Variants in SAMD5 observed in about 807,000 individuals in gnomAD.
The protein encoded by SAMD5 is sterile alpha motif domain-containing protein 5.
SAMD5 carries 13 observed loss-of-function variants against 11.3 expected under a neutral mutation model. The ratio of observed to expected loss-of-function variants is 1.15; its 90% CI spans 0.75 to 1.83. The LOEUF is 1.83. Among genes scored for constraint, SAMD5 ranks in the 40% most tolerant of loss-of-function variants. The pLI is 0.00. For missense variants in SAMD5, 255 were observed against 239.1 expected, an observed-to-expected ratio of 1.07 and a Z score of -0.44; for synonymous variants, 129 against 111.3, an observed-to-expected ratio of 1.16 and a Z score of -1.00.
rs1322777980 is a variant in SAMD5, at chr6:147,564,380, G to T, written c.460-14G>T. On this transcript the variant is annotated splice_polypyrimidine_tract_variant and intron_variant, in intron 1 of 1. Coordinates refer to ENST00000367474, the MANE Select transcript of SAMD5 (RefSeq NM_001030060.3). The stretch of plus-strand genomic sequence containing the variant: ...AGGAGAACTTCAATAACCCAGATAT[G>T]TTCAAATCCACAGGTCCCAATGGCT... 1 of 780,628 alleles carries T rather than the reference G, an allele frequency of 1.3e-6. No individual in the cohort carries two copies. Among genetic ancestry groups the T allele is most frequent in the East Asian group, 2.4e-5 (1 of 41,204 alleles). The allele number at this position is 780,628 out of a possible 1,614,324, so 48.4% of individuals were successfully genotyped here. A position where few individuals can be genotyped will look rare whatever the true frequency, so the allele number is the denominator to read the frequency against.
the SAMD5 span, among the ~76,000 whole-genome samples, chr6:147,846,582 G>T: frequency 3.3e-5 from 5 of 152,190 alleles, no homozygotes; most frequent in African/African-American, 1.2e-4. Flanking sequence ...CACTTGGAGA[G>T]GCCAAGGCAG....
intron 1 of SAMD5, among the ~76,000 whole-genome samples, chr6:147,727,677 T>C (rs1401522230): frequency 2.0e-5 from 3 of 152,114 alleles, no homozygotes; most frequent in Admixed American, 2.0e-4. Context: ...TTTTTTTTTT[T>C]TCCCCAGATT....
intron 1 of SAMD5, among the ~76,000 whole-genome samples, chr6:147,725,124 G>A (rs138282119): frequency 7.9e-5 from 12 of 152,164 alleles, no homozygotes; most frequent in Middle Eastern, 3.4e-3. Context: ...ATATAACTAG[G>A]TTTGATATAC....
the SAMD5 span, among the ~76,000 whole-genome samples, chr6:147,940,824 T>G: frequency 6.6e-6 from 1 of 152,092 alleles, no homozygotes; most frequent in African/African-American, 2.4e-5. Flanking sequence ...TAGCCGGGCA[T>G]GATGGTGCAT....
the SAMD5 span, among the ~76,000 whole-genome samples, chr6:147,837,950 T>C: frequency 6.6e-6 from 1 of 151,808 alleles, no homozygotes; most frequent in African/African-American, 2.4e-5. Flanking sequence ...TCCACAGTGA[T>C]TTAGCCCTCC....
the SAMD5 span, among the ~76,000 whole-genome samples, chr6:147,848,587 G>A: frequency 6.6e-6 from 1 of 152,130 alleles, no homozygotes; most frequent in Non-Finnish European, 1.5e-5. Flanking sequence ...CTAATAAATG[G>A]TAGAGATGGA....
the SAMD5 span, among the ~76,000 whole-genome samples, chr6:147,793,800 C>T: frequency 3.9e-5 from 6 of 152,234 alleles, no homozygotes; most frequent in African/African-American, 1.4e-4. Context: ...TCACCAGTGC[C>T]ACATTGTCTT....
At chr6:147,753,769 T>C in the SAMD5 span, among the ~76,000 whole-genome samples, 1 of 151,888 alleles carries the variant, frequency 6.6e-6, no homozygotes, top group Non-Finnish European at 1.5e-5. Context: ...AGTTCAACAG[T>C]TTTAATTTCT....
At chr6:147,543,573 C>A (rs1788639611) in intron 1 of SAMD5, among the ~76,000 whole-genome samples, 1 of 152,068 alleles carries the variant, frequency 6.6e-6, no homozygotes. Flanking sequence ...AGAAAGGATA[C>A]CTTGTTCTGA....
intron 1 of SAMD5, among the ~76,000 whole-genome samples, chr6:147,601,736 C>G (rs1789617718): frequency 6.6e-6 from 1 of 152,158 alleles, no homozygotes; most frequent in Non-Finnish European, 1.5e-5. Flanking sequence ...TGTTACTGTT[C>G]TTCATGTCTC....
intron 1 of SAMD5, among the ~76,000 whole-genome samples, chr6:147,641,274 T>A (rs1458004075): frequency 6.6e-6 from 1 of 152,214 alleles, no homozygotes; most frequent in African/African-American, 2.4e-5. Flanking sequence ...CTCACATTTC[T>A]TCATTTTAAT....
the SAMD5 span, among the ~76,000 whole-genome samples, chr6:147,828,333 A>C: frequency 1.9e-3 from 293 of 152,328 alleles, 1 homozygote; most frequent in Middle Eastern, 0.024. Context: ...AAAAAAAAGG[A>C]GTTGTGATGG....
the SAMD5 span, among the ~76,000 whole-genome samples, chr6:147,951,509 T>G: frequency 6.6e-6 from 1 of 152,154 alleles, no homozygotes. Flanking sequence ...GGTCAGTGCA[T>G]TGGGCTCACA....
the SAMD5 span, among the ~76,000 whole-genome samples, chr6:147,867,178 T>C: frequency 6.6e-6 from 1 of 152,124 alleles, no homozygotes; most frequent in South Asian, 2.1e-4. Context: ...GTATATATGA[T>C]ATGTCTGGCC....
chr6:147,626,532 A>G lies in SAMD5; in HGVS notation c.163-110785A>G, dbSNP rs189465908. Among the ~76,000 whole-genome samples the G allele has an allele frequency of 1.4e-3, 211 of 152,158 alleles. 1 individual carries two copies. Among genetic ancestry groups the G allele is most frequent in the African/African-American group, 4.9e-3 (205 of 41,532 alleles). On this transcript the variant is annotated intron_variant, in intron 1 of 1. Coordinates refer to the SAMD5 transcript ENST00000566741. ...CTAGTGTGATTTTTATGCCATTTAG[A>G]TCAGCTGTATAGTCTTGAAACATTA...
At chr6:147,520,117 G>GTTTTTT (rs10632543) in intron 1 of SAMD5, among the ~76,000 whole-genome samples, 1 of 136,858 alleles carries the variant, frequency 7.3e-6, no homozygotes, top group South Asian at 2.3e-4. Flanking sequence ...GAACTTTATA[G>GTTTTTT]TTTTTTTTTT....
chr6:147,755,647 C>T, the SAMD5 span, among the ~76,000 whole-genome samples: 1 of 152,078 alleles, frequency 6.6e-6, no homozygotes, highest in Non-Finnish European at 1.5e-5. Context: ...GGCTTTCCCA[C>T]TACTAATACT....
Position 147,564,681 on chromosome 6 carries a change from T to C in SAMD5, c.*225T>C. 1 of 1,257,704 alleles carries C rather than the reference T, an allele frequency of 8.0e-7. No individual in the cohort carries two copies. The highest frequency in any genetic ancestry group is 1.0e-6 in the Non-Finnish European group (1 of 997,384). 77.9% of individuals were successfully genotyped at this position (1,257,704 alleles called of 1,614,324 possible). On this transcript the variant is annotated 3_prime_UTR_variant, in exon 2 of 2. Coordinates refer to ENST00000367474, the MANE Select transcript of SAMD5 (RefSeq NM_001030060.3). ...GTGAACTATCACGCATAAAGAAGTATTGAGTTCATTTTTTTAAGAAGATAT... is the reference window on the plus strand; with the variant it reads ...GTGAACTATCACGCATAAAGAAGTACTGAGTTCATTTTTTTAAGAAGATAT...
At chr6:147,731,793 G>A (rs1429349324) in intron 1 of SAMD5, among the ~76,000 whole-genome samples, 1 of 144,028 alleles carries the variant, frequency 6.9e-6, no homozygotes, top group African/African-American at 2.6e-5. Flanking sequence ...ACAGAATTTA[G>A]AGTGGCTTGT....
Sources: gnomAD v4.1 joint callset for allele counts (sites outside exome capture counted in the v4.1 genomes callset) on GRCh38, gnomAD v4.1.1 for gene constraint, MANE v1.5 for transcripts, NCBI Gene and HGNC (gene_info 2026-07-23, HGNC 2026-07-21) for gene names.